Variants in TMEM19 observed in about 807,000 individuals in gnomAD.
The protein encoded by TMEM19 is transmembrane protein 19.
In TMEM19, 21 loss-of-function variants were observed where a neutral mutation model predicts 33.6. The observed-to-expected ratio is 0.62, with a 90% CI of 0.44 to 0.90. The LOEUF is 0.90. Among genes scored for constraint, TMEM19 ranks in the 40% least tolerant of loss-of-function variants. The pLI is 0.00. For synonymous variants in TMEM19, 149 were observed against 147.5 expected (o/e 1.01, Z -0.07); for missense variants, 402 against 401.8 (o/e 1.00, Z 0.00).
Position 71,700,942 on chromosome 12 carries a change from C to G in TMEM19, c.958C>G (p.Leu320Val), listed in dbSNP as rs899467659. The G allele has an allele frequency of 1.9e-6, 3 of 1,613,478 alleles. No homozygotes were observed. Among genetic ancestry groups the G allele is most frequent in the East Asian group, 2.2e-5 (1 of 44,810 alleles). ...NNAVNLFSSV[L>V]IALLLPTAAW... is the part of the protein sequence containing the mutation. ...CGCAGTGAATCTGTTTTCTTCTGTT[C>G]TTATTGCCCTCTTGCTCCCAACTGC... The change falls in exon 6 of 6, where the codon CTT (leucine) becomes GTT (valine). Residue 320 changes from leucine to valine, a missense_variant. Leu to Val is a conservative substitution (Grantham distance 32). Transcript: ENST00000266673.
At chr12:71,695,800 G>T (rs1881860571) in intron 2 of TMEM19, among the ~76,000 whole-genome samples, 1 of 152,148 alleles carries the variant, frequency 6.6e-6, no homozygotes, top group South Asian at 2.1e-4. Flanking sequence ...TCTTGAAGAG[G>T]TAAGTGAAGG....
At chr12:71,688,674 A>T (rs1384260952) in intron 1 of TMEM19, among the ~76,000 whole-genome samples, 1 of 152,200 alleles carries the variant, frequency 6.6e-6, no homozygotes, top group African/African-American at 2.4e-5. Flanking sequence ...TGTTTAAAGG[A>T]GGGCACCTCT....
At chr12:71,686,936 A>G (rs1881701122) in intron 1 of TMEM19, 126 bp downstream of exon 1, 3 of 911,558 alleles carry the variant, frequency 3.3e-6, no homozygotes, top group Non-Finnish European at 4.7e-6. Flanking sequence ...CTTAACTTCC[A>G]TAGCCTGATT....
intron 2 of TMEM19, among the ~76,000 whole-genome samples, chr12:71,690,950 G>A (rs1166205651): frequency 1.3e-5 from 2 of 152,168 alleles, no homozygotes; most frequent in East Asian, 3.8e-4. Flanking sequence ...TGTCAATTTT[G>A]CAAAGGTCAA....
Position 71,699,490 on chromosome 12 carries a change from C to T in TMEM19, c.847+381C>T, listed in dbSNP as rs113062605. 3.1e-3 allele frequency: 939 copies of T among 300,868 alleles called. 4 individuals carry two copies. The highest frequency in any genetic ancestry group is 0.018 in the African/African-American group (838 of 46,010). 18.6% of individuals were successfully genotyped at this position (300,868 alleles called of 1,614,324 possible). ...AATTGTACAAATCTGACTATACACACGACCTACTTTCTTACTGTGGTATCA... is the reference window on the plus strand; with the variant it reads ...AATTGTACAAATCTGACTATACACATGACCTACTTTCTTACTGTGGTATCA... On this transcript the variant is annotated intron_variant, in intron 5 of 5. Coordinates refer to ENST00000266673, the MANE Select transcript of TMEM19 (RefSeq NM_018279.4).
rs186196178 is a variant in TMEM19 at position 71,688,858 on chromosome 12, A to C, written c.131-733A>C. Among the ~76,000 whole-genome samples the C allele has an allele frequency of 7.2e-4, 109 of 152,328 alleles. 1 individual carries two copies. The highest frequency in any genetic ancestry group is 7.1e-3 in the Admixed American group (108 of 15,302). On this transcript the variant is annotated intron_variant, in intron 1 of 5. Transcript: ENST00000266673. ...GCTGGATGCAGCCTCTGGAATAATC[A>C]ATTTCTAACCATTGAATGAGGTGTC... is the stretch of plus-strand genomic sequence containing the variant.
At chr12:71,691,483 T>C (rs1277740022) in intron 2 of TMEM19, among the ~76,000 whole-genome samples, 1 of 151,562 alleles carries the variant, frequency 6.6e-6, no homozygotes, top group African/African-American at 2.4e-5. Flanking sequence ...AAAAGTTCTT[T>C]CTGGGCTGGT....
At chr12:71,699,237 C>A (rs2137599736) in intron 5 of TMEM19, 128 bp downstream of exon 5, 2 of 935,158 alleles carry the variant, frequency 2.1e-6, no homozygotes, top group Non-Finnish European at 3.2e-6. Context: ...AATGATAGGG[C>A]AAAGTCTCTT....
chr12:71,697,629 T>C (rs1421629120), intron 4 of TMEM19, 95 bp downstream of exon 4: 1 of 1,457,602 alleles, frequency 6.9e-7, no homozygotes, highest in African/African-American at 1.5e-5. Flanking sequence ...CTTGATGTAA[T>C]GTATTTTAGA....
At chr12:71,691,237 G>A (rs1158936616) in intron 2 of TMEM19, among the ~76,000 whole-genome samples, 3 of 151,884 alleles carry the variant, frequency 2.0e-5, no homozygotes. Flanking sequence ...TCCTTTTGTG[G>A]GGTAATTGAG....
chr12:71,703,179 CTCCATCTCAAAAAAAAAAAAAAAAAAA>C lies in TMEM19; in HGVS notation c.*2185_*2211del, dbSNP rs1882010889. On this transcript the variant is annotated 3_prime_UTR_variant, in exon 6 of 6. Coordinates refer to ENST00000266673, the MANE Select transcript of TMEM19 (RefSeq NM_018279.4). ...GCAACAGAGGGAGACTCCATCTAGACTCCATCTCAAAAAAAAAAAAAAAAAAAAAAAAAAAAAAAAAAAAAAAGAATA... is the reference window on the plus strand; with the variant it reads ...GCAACAGAGGGAGACTCCATCTAGACAAAAAAAAAAAAAAAAAAAAGAATA... 2.6e-5 allele frequency: 2 copies of C among 78,234 alleles called. No homozygotes were observed. Among genetic ancestry groups the C allele is most frequent in the African/African-American group, 9.9e-5 (2 of 20,284 alleles). The allele number at this position is 78,234 out of a possible 1,614,324, so 4.8% of individuals were successfully genotyped here. A position where few individuals can be genotyped will look rare whatever the true frequency, so the allele number is the denominator to read the frequency against.
intron 2 of TMEM19, chr12:71,690,423 GATTAC>G (rs1881765728): frequency 6.6e-6 from 1 of 152,278 alleles, no homozygotes; most frequent in Non-Finnish European, 1.5e-5. Context: ...AAAGTGCTGG[GATTAC>G]AGGTATGAGC....
Position 71,703,187 on chromosome 12 carries a change from CAA to C in TMEM19, c.*2230_*2231del, listed in dbSNP as rs57148356. On this transcript the variant is annotated 3_prime_UTR_variant, in exon 6 of 6. Transcript: ENST00000266673. ...GGGAGACTCCATCTAGACTCCATCTCAAAAAAAAAAAAAAAAAAAAAAAAAAA... is the reference window on the plus strand; with the variant it reads ...GGGAGACTCCATCTAGACTCCATCTCAAAAAAAAAAAAAAAAAAAAAAAAA... The C allele has an allele frequency of 8.6e-3, 406 of 47,116 alleles. 2 individuals carry two copies. The highest frequency in any genetic ancestry group is 0.022 in the African/African-American group (365 of 16,820). The allele number at this position is 47,116 out of a possible 1,614,324, so 2.9% of individuals were successfully genotyped here.
At chr12:71,687,210 G>C (rs535589946) in intron 1 of TMEM19, among the ~76,000 whole-genome samples, 1 of 152,238 alleles carries the variant, frequency 6.6e-6, no homozygotes, top group East Asian at 1.9e-4. Flanking sequence ...TATTCCATCT[G>C]TCTTGGTAAA....
intron 3 of TMEM19, among the ~76,000 whole-genome samples, chr12:71,696,896 C>T (rs766675354): frequency 2.6e-5 from 4 of 152,178 alleles, no homozygotes; most frequent in Non-Finnish European, 4.4e-5. Context: ...ATCCGCCTGC[C>T]TCGGCCTCCC....
Position 71,686,643 on chromosome 12 carries a change from A to G in TMEM19, c.-38A>G. 2 of 1,606,048 alleles carry G rather than the reference A, an allele frequency of 1.2e-6. No homozygotes were observed. Among genetic ancestry groups the G allele is most frequent in the African/African-American group, 1.3e-5 (1 of 74,726 alleles). On this transcript the variant is annotated 5_prime_UTR_variant, in exon 1 of 6. An upstream open reading frame in the 5' UTR loses its in-frame stop. Coordinates refer to ENST00000266673, the MANE Select transcript of TMEM19 (RefSeq NM_018279.4). Reference sequence around the variant, plus strand: ...AAATGACTTTCTCTCCGAAACGCTAAATATTCTTTCCCGCAGGAGCTCATA... The same window carrying G: ...AAATGACTTTCTCTCCGAAACGCTAGATATTCTTTCCCGCAGGAGCTCATA...
chr12:71,689,695 G>A lies in TMEM19; in HGVS notation c.235G>A (p.Ala79Thr), dbSNP rs1456105801. ...LKKKSLDHSGALGGLVVGFIL... is the reference protein window; with the variant it reads ...LKKKSLDHSGTLGGLVVGFIL... ...AAAGAAAAGTCTAGATCACAGTGGG[G>A]CTCTAGGAGGTATGTTTTTATTTTG... Residue 79 changes from alanine to threonine, a missense_variant, in exon 2 of 6, where the codon GCT becomes ACT. By Grantham distance (58) the Ala-to-Thr change is moderately conservative. Coordinates refer to ENST00000266673, the MANE Select transcript of TMEM19 (RefSeq NM_018279.4). 2 of 1,609,780 alleles carry A rather than the reference G, an allele frequency of 1.2e-6. No individual in the cohort carries two copies. The highest frequency in any genetic ancestry group is 2.2e-5 in the South Asian group (2 of 90,464).
At position 71,686,220 on chromosome 12, in the gene TMEM19, G is replaced by T. The variant is rs989390452; in HGVS notation, c.-461G>T. 5.1e-6 allele frequency: 1 copy of T among 195,132 alleles called. No individual in the cohort carries two copies. Among genetic ancestry groups the T allele is most frequent in the South Asian group, 7.5e-5 (1 of 13,282 alleles). 12.1% of individuals were successfully genotyped at this position (195,132 alleles called of 1,614,324 possible). ...TCGGGACGTGACTGCGTTCAGCCGC[G>T]TCGGGCGTGCTTCCCAGACTTGCCC... On this transcript the variant is annotated 5_prime_UTR_variant, in exon 1 of 6. Transcript: ENST00000266673.
chr12:71,689,005 C>T (rs1311339226), intron 1 of TMEM19, among the ~76,000 whole-genome samples: 1 of 152,108 alleles, frequency 6.6e-6, no homozygotes, highest in African/African-American at 2.4e-5. Flanking sequence ...TTTTAAATAT[C>T]TAGATATCCA....
Sources: gnomAD v4.1 joint callset for allele counts (sites outside exome capture counted in the v4.1 genomes callset) on GRCh38, gnomAD v4.1.1 for gene constraint, MANE v1.5 for transcripts, NCBI Gene and HGNC (gene_info 2026-07-23, HGNC 2026-07-21) for gene names.